FAM120A: variants seen among roughly 807,000 people sequenced by gnomAD.
The protein encoded by FAM120A is family with sequence similarity 120 member A.
A neutral mutation model predicts 109.7 loss-of-function variants in FAM120A; 15 were observed. The observed-to-expected ratio is 0.14, with a 90% CI of 0.09 to 0.21. The LOEUF is 0.21. Among genes scored for constraint, FAM120A ranks in the 10% least tolerant of loss-of-function variants. The pLI is 1.00. For synonymous variants in FAM120A, 493 were observed against 572.8 expected (o/e 0.86, Z 1.99); for missense variants, 899 against 1,439.3 (o/e 0.62, Z 6.07).
intron 17 of FAM120A, among the ~76,000 whole-genome samples, chr9:93,563,636 C>T (rs1349499320): frequency 2.0e-5 from 3 of 152,198 alleles, no homozygotes; most frequent in African/African-American, 4.8e-5. Context: ...TCACAGAGAG[C>T]CATGTCTTTC....
intron 13 of FAM120A, among the ~76,000 whole-genome samples, chr9:93,557,423 C>T (rs1240134222): frequency 2.0e-5 from 3 of 152,104 alleles, no homozygotes; most frequent in African/African-American, 4.8e-5. Context: ...AGCTGTTGCA[C>T]CCAGCCAGGG....
In FAM120A at chr9:93,498,640, A is replaced by T; in HGVS notation, c.934-150A>T. The T allele has an allele frequency of 1.5e-6, 1 of 663,984 alleles. No individual in the cohort carries two copies. The allele number at this position is 663,984 out of a possible 1,614,324, so 41.1% of individuals were successfully genotyped here. A position where few individuals can be genotyped will look rare whatever the true frequency, so the allele number is the denominator to read the frequency against. ...TTGATTCTTTTGTAGTAATCTATTGATTTTCCCTGAAAGTTTTAATGTCAT... is the reference window on the plus strand; with the variant it reads ...TTGATTCTTTTGTAGTAATCTATTGTTTTTCCCTGAAAGTTTTAATGTCAT... On this transcript the variant is annotated intron_variant, in intron 4 of 17. Coordinates refer to ENST00000277165, the MANE Select transcript of FAM120A (RefSeq NM_014612.5). This position sits in a 1 kb window ranked among gnomAD's most constrained non-coding sequence, Gnocchi z 4.4.
chr9:93,458,907 G>T (rs969886093), intron 1 of FAM120A, among the ~76,000 whole-genome samples: 2 of 152,096 alleles, frequency 1.3e-5, no homozygotes, highest in Admixed American at 1.3e-4. Context: ...ACCTTCCTGC[G>T]ACCTGAACTC....
intron 1 of FAM120A, among the ~76,000 whole-genome samples, chr9:93,455,358 C>T (rs764680260): frequency 2.0e-5 from 3 of 152,116 alleles, no homozygotes; most frequent in Non-Finnish European, 4.4e-5. Flanking sequence ...GAAGGATGTA[C>T]ACATAAAGGG....
intron 3 of FAM120A, among the ~76,000 whole-genome samples, chr9:93,485,024 C>T (rs1295483142): frequency 6.6e-6 from 1 of 152,228 alleles, no homozygotes; most frequent in East Asian, 1.9e-4. Flanking sequence ...CAGGCTTTCT[C>T]CATCACTTTC....
At chr9:93,527,614 A>ATTTTTTTTT (rs67894788) in intron 8 of FAM120A, among the ~76,000 whole-genome samples, 28 of 80,700 alleles carry the variant, frequency 3.5e-4, no homozygotes, top group Non-Finnish European at 4.9e-4. Flanking sequence ...TTTGTATTTA[A>ATTTTTTTTT]TTTTTTTTTT....
At chr9:93,494,579 C>T (rs1182057621) in intron 3 of FAM120A, among the ~76,000 whole-genome samples, 1 of 152,188 alleles carries the variant, frequency 6.6e-6, no homozygotes, top group African/African-American at 2.4e-5. Context: ...TTGCTTCCAT[C>T]TCACAATTTC....
chr9:93,471,493 A>C (rs1858312919), intron 2 of FAM120A, 106 bp downstream of exon 2: 9 of 1,413,072 alleles, frequency 6.4e-6, no homozygotes, highest in Non-Finnish European at 8.7e-6. Flanking sequence ...TGTATCACAC[A>C]TTGAAAAGAA....
chr9:93,536,779 A>G (rs1442978465), intron 10 of FAM120A, among the ~76,000 whole-genome samples: 1 of 152,246 alleles, frequency 6.6e-6, no homozygotes, highest in Non-Finnish European at 1.5e-5. Flanking sequence ...AAAAAGAAAA[A>G]GAAAAAAAAT....
chr9:93,459,461 C>A (rs776874447), intron 1 of FAM120A, among the ~76,000 whole-genome samples: 12 of 151,950 alleles, frequency 7.9e-5, no homozygotes, highest in Non-Finnish European at 1.6e-4. Flanking sequence ...TGACTGGTTC[C>A]CAATGGTGAT....
Position 93,564,699 on chromosome 9 carries a change from C to T in FAM120A, c.*159C>T. ...CCCTCTTTGATATCAGAGATTTAAA[C>T]AACACATTTTTAGTTTTAACCAGTT... On this transcript the variant is annotated 3_prime_UTR_variant, in exon 18 of 18. Coordinates refer to ENST00000277165, the MANE Select transcript of FAM120A (RefSeq NM_014612.5). 1 of 571,110 alleles carries T rather than the reference C, an allele frequency of 1.8e-6. No individual in the cohort carries two copies. Among genetic ancestry groups the T allele is most frequent in the Middle Eastern group, 3.4e-4 (1 of 2,944 alleles). 35.4% of individuals were successfully genotyped at this position (571,110 alleles called of 1,614,324 possible). A position where few individuals can be genotyped will look rare whatever the true frequency, so the allele number is the denominator to read the frequency against.
intron 11 of FAM120A, among the ~76,000 whole-genome samples, chr9:93,548,270 A>C (rs1455287524): frequency 6.6e-6 from 1 of 151,856 alleles, no homozygotes; most frequent in African/African-American, 2.4e-5. Flanking sequence ...CGCCCGGCTA[A>C]TTTTTTTGTT....
intron 15 of FAM120A, among the ~76,000 whole-genome samples, chr9:93,559,722 A>T (rs1862407847): frequency 6.6e-6 from 1 of 152,176 alleles, no homozygotes; most frequent in Admixed American, 6.5e-5. Flanking sequence ...TAGTGCCTTG[A>T]AACTGAAGCT....
chr9:93,550,462 A>G (rs1862058575), intron 11 of FAM120A, 115 bp from the exon 12 acceptor site: 1 of 704,128 alleles, frequency 1.4e-6, no homozygotes, highest in African/African-American at 1.8e-5. Flanking sequence ...AAGAAATCAC[A>G]TGGGTCTTCT....
chr9:93,461,426 T>C (rs1461472083), intron 1 of FAM120A, among the ~76,000 whole-genome samples: 1 of 152,226 alleles, frequency 6.6e-6, no homozygotes, highest in African/African-American at 2.4e-5. Context: ...CAAGTGTTAC[T>C]ATCTTGAAAT....
intron 1 of FAM120A, among the ~76,000 whole-genome samples, chr9:93,459,545 A>C (rs1857696709): frequency 6.6e-6 from 1 of 152,208 alleles, no homozygotes; most frequent in Non-Finnish European, 1.5e-5. Context: ...ACAGGAAAGG[A>C]AGGAAACCTT....
At chr9:93,457,209 T>C (rs1857587802) in intron 1 of FAM120A, among the ~76,000 whole-genome samples, 1 of 152,224 alleles carries the variant, frequency 6.6e-6, no homozygotes, top group Admixed American at 6.5e-5. Context: ...GAGCATAGTA[T>C]ACAAAGAGCT....
intron 10 of FAM120A, among the ~76,000 whole-genome samples, chr9:93,534,016 G>A (rs987579884): frequency 2.0e-5 from 3 of 152,140 alleles, no homozygotes; most frequent in Non-Finnish European, 4.4e-5. Flanking sequence ...CCAGTGTTGG[G>A]CCATTCGGCA....
At chr9:93,490,936 A>G (rs936269323) in intron 3 of FAM120A, among the ~76,000 whole-genome samples, 3 of 152,212 alleles carry the variant, frequency 2.0e-5, no homozygotes, top group African/African-American at 7.2e-5. Context: ...GACGTGCCTG[A>G]CAGGGTTTCC....
Sources: allele counts gnomAD v4.1 joint callset (sites outside exome capture counted in the v4.1 genomes callset), GRCh38; gene constraint gnomAD v4.1.1; non-coding constraint Gnocchi (gnomAD v3.1); transcripts MANE v1.5; gene names NCBI Gene and HGNC (gene_info 2026-07-23, HGNC 2026-07-21).